SHISA9: variants seen among roughly 807,000 people sequenced by gnomAD.
The protein encoded by SHISA9 is shisa family member 9.
A neutral mutation model predicts 38.0 loss-of-function variants in SHISA9; 13 were observed. The observed-to-expected ratio is 0.34, with a 90% CI of 0.22 to 0.54. The LOEUF is 0.54. Ranked by LOEUF, SHISA9 falls within the 20% of genes least tolerant of loss-of-function variation. The pLI is 0.91. For synonymous variants in SHISA9, 275 were observed against 242.0 expected (o/e 1.14, Z -1.27); for missense variants, 538 against 575.8 (o/e 0.93, Z 0.67).
chr16:13,063,012 T>C (rs1367815361), intron 2 of SHISA9, among the ~76,000 whole-genome samples: 1 of 152,068 alleles, frequency 6.6e-6, no homozygotes, highest in Non-Finnish European at 1.5e-5. Context: ...TTTTCTTTTT[T>C]TTTCTTTTTT....
intron 2 of SHISA9, among the ~76,000 whole-genome samples, chr16:12,968,916 C>G (rs2072016758): frequency 6.6e-6 from 1 of 151,970 alleles, no homozygotes; most frequent in Non-Finnish European, 1.5e-5. Context: ...CCTGTAATCC[C>G]AACAATTTGG....
At chr16:13,089,237 A>G (rs2073747536) in intron 2 of SHISA9, among the ~76,000 whole-genome samples, 1 of 152,242 alleles carries the variant, frequency 6.6e-6, no homozygotes, top group African/African-American at 2.4e-5. Flanking sequence ...ATTGATGTTC[A>G]TCAGGGATAT....
intron 2 of SHISA9, among the ~76,000 whole-genome samples, chr16:13,185,856 CA>C (rs1267922694): frequency 6.6e-6 from 1 of 152,150 alleles, no homozygotes; most frequent in African/African-American, 2.4e-5. Flanking sequence ...TGAGCATTTT[CA>C]GAGGAAAATA....
In SHISA9 at chr16:13,235,522, T is replaced by G; in HGVS notation, c.*113T>G. On this transcript the variant is annotated 3_prime_UTR_variant, in exon 5 of 5. Transcript: ENST00000558583. ...AATACATGCGTCCACACACTCACTC[T>G]CAACAAGAACCAACTCTAAACCTAC... 3 of 1,300,072 alleles carry G rather than the reference T, an allele frequency of 2.3e-6. No individual in the cohort carries two copies. Among genetic ancestry groups the G allele is most frequent in the Non-Finnish European group, 3.1e-6 (3 of 974,236 alleles). The allele number at this position is 1,300,072 out of a possible 1,614,324, so 80.5% of individuals were successfully genotyped here.
intron 2 of SHISA9, among the ~76,000 whole-genome samples, chr16:13,003,460 T>C (rs1460619836): frequency 1.3e-5 from 2 of 152,234 alleles, no homozygotes; most frequent in Admixed American, 6.5e-5. Context: ...ATTAGTTGTT[T>C]TGGCCATGTG....
intron 2 of SHISA9, among the ~76,000 whole-genome samples, chr16:13,133,158 G>T (rs1051143450): frequency 1.3e-5 from 2 of 152,226 alleles, no homozygotes; most frequent in African/African-American, 4.8e-5. Flanking sequence ...CCCAGACTGG[G>T]ACTACAGAGC....
intron 2 of SHISA9, among the ~76,000 whole-genome samples, chr16:13,070,812 C>G (rs1014937551): frequency 1.3e-5 from 2 of 152,110 alleles, no homozygotes; most frequent in South Asian, 2.1e-4. Context: ...CATACAGTGG[C>G]TAAGTGCAGA....
chr16:13,343,313 C>T, the SHISA9 span, among the ~76,000 whole-genome samples: 17 of 152,150 alleles, frequency 1.1e-4, no homozygotes, highest in Admixed American at 5.9e-4. Context: ...AGGTTGATTC[C>T]TTAACATGTG....
At chr16:13,402,015 G>A in the SHISA9 span, among the ~76,000 whole-genome samples, 11 of 152,100 alleles carry the variant, frequency 7.2e-5, no homozygotes, top group South Asian at 2.1e-4. Context: ...ACCTCCCATC[G>A]GGTTCCTCCC....
intron 2 of SHISA9, among the ~76,000 whole-genome samples, chr16:13,126,625 GA>G (rs2050259326): frequency 6.8e-6 from 1 of 147,984 alleles, no homozygotes; most frequent in African/African-American, 2.5e-5. Context: ...GATGGAGGCA[GA>G]GGGGTGGGGA....
intron 2 of SHISA9, among the ~76,000 whole-genome samples, chr16:13,026,961 T>C (rs1288053821): frequency 6.6e-6 from 1 of 152,176 alleles, no homozygotes; most frequent in African/African-American, 2.4e-5. Flanking sequence ...AGGTTGAAAG[T>C]CATTGTCTGT....
chr16:13,041,201 G>A (rs1439602990), intron 2 of SHISA9, among the ~76,000 whole-genome samples: 1 of 152,214 alleles, frequency 6.6e-6, no homozygotes, highest in Admixed American at 6.5e-5. Context: ...TCCACAGAAG[G>A]AGTGCAGGCC....
chr16:13,030,301 C>G (rs897029198), intron 2 of SHISA9, among the ~76,000 whole-genome samples: 18 of 152,068 alleles, frequency 1.2e-4, no homozygotes, highest in African/African-American at 4.3e-4. Context: ...TGAAGTGCTT[C>G]TAGAAGTGCT....
chr16:13,025,719 C>T (rs1371113152), intron 2 of SHISA9, among the ~76,000 whole-genome samples: 1 of 152,210 alleles, frequency 6.6e-6, no homozygotes, highest in Non-Finnish European at 1.5e-5. Flanking sequence ...TTCTTCCTAA[C>T]TGCGGGTCAG....
At chr16:13,206,612 G>C (rs2051066444) in intron 3 of SHISA9, among the ~76,000 whole-genome samples, 3 of 152,176 alleles carry the variant, frequency 2.0e-5, no homozygotes, top group African/African-American at 7.2e-5. Flanking sequence ...GATCTCTTAA[G>C]ATTTCCAGAT....
the SHISA9 span, among the ~76,000 whole-genome samples, chr16:13,399,618 G>A: frequency 7.9e-5 from 12 of 152,108 alleles, no homozygotes; most frequent in South Asian, 2.1e-4. Flanking sequence ...CCATGGGTCC[G>A]TGGCTTTCTT....
chr16:13,163,474 T>C (rs1286289083), intron 2 of SHISA9, among the ~76,000 whole-genome samples: 2 of 152,194 alleles, frequency 1.3e-5, no homozygotes, highest in Non-Finnish European at 1.5e-5. Context: ...AAATCTGCTG[T>C]TATTTTTATC....
chr16:13,472,044 T>C, the SHISA9 span, among the ~76,000 whole-genome samples: 1 of 152,186 alleles, frequency 6.6e-6, no homozygotes, highest in South Asian at 2.1e-4. Flanking sequence ...TTCCATTTTA[T>C]GGGAGCAGAT....
intron 2 of SHISA9, among the ~76,000 whole-genome samples, chr16:13,021,541 T>G (rs978947694): frequency 2.6e-5 from 4 of 152,162 alleles, no homozygotes; most frequent in African/African-American, 9.7e-5. Flanking sequence ...GCTCAACCCA[T>G]GTACCTGACT....
Sources: allele counts gnomAD v4.1 joint callset (sites outside exome capture counted in the v4.1 genomes callset), GRCh38; gene constraint gnomAD v4.1.1; transcripts MANE v1.5; gene names NCBI Gene and HGNC (gene_info 2026-07-23, HGNC 2026-07-21).